Variants in FGF14 observed in about 807,000 individuals in gnomAD.
The protein encoded by FGF14 is fibroblast growth factor 14.
FGF14 carries 5 observed loss-of-function variants against 25.5 expected under a neutral mutation model. That is an observed-to-expected ratio of 0.20 (90% confidence interval 0.10 to 0.41). The LOEUF is 0.41. Ranked by LOEUF, FGF14 falls within the 10% of genes least tolerant of loss-of-function variation. The probability of loss-of-function intolerance (pLI) is 1.00; values close to 1 mark genes in which losing one functional copy is unlikely to be tolerated. For missense variants in FGF14, 222 were observed against 320.1 expected (o/e 0.69, Z 2.34); for synonymous variants, 138 against 118.3 (o/e 1.17, Z -1.08).
At chr13:101,742,435 A>G (rs887227163) in intron 3 of FGF14, among the ~76,000 whole-genome samples, 12 of 152,234 alleles carry the variant, frequency 7.9e-5, no homozygotes, top group Non-Finnish European at 1.3e-4. Flanking sequence ...AGCATAGTGC[A>G]GACATTAAGA....
At chr13:101,940,145 T>A (rs766731741) in intron 1 of FGF14, among the ~76,000 whole-genome samples, 1 of 152,236 alleles carries the variant, frequency 6.6e-6, no homozygotes, top group Admixed American at 6.5e-5. Context: ...AAATCCCTAG[T>A]TGTATCCATG....
intron 1 of FGF14, among the ~76,000 whole-genome samples, chr13:102,121,701 C>T (rs1268629083): frequency 1.3e-5 from 2 of 152,102 alleles, no homozygotes; most frequent in Non-Finnish European, 2.9e-5. Flanking sequence ...CAAATGCTTC[C>T]GTAAGACTTG....
At chr13:101,752,985 T>A (rs927128849) in intron 3 of FGF14, among the ~76,000 whole-genome samples, 1 of 152,136 alleles carries the variant, frequency 6.6e-6, no homozygotes, top group African/African-American at 2.4e-5. Flanking sequence ...ATGACAGATA[T>A]AAAAAGTGAA....
At chr13:101,804,549 T>A (rs939163858) in intron 3 of FGF14, among the ~76,000 whole-genome samples, 1 of 152,108 alleles carries the variant, frequency 6.6e-6, no homozygotes, top group African/African-American at 2.4e-5. Context: ...CTTATAAGCA[T>A]CTGCACTTAA....
intron 3 of FGF14, among the ~76,000 whole-genome samples, chr13:101,810,128 T>C (rs1352438356): frequency 6.6e-6 from 1 of 152,156 alleles, no homozygotes; most frequent in African/African-American, 2.4e-5. Flanking sequence ...TATTAGAATT[T>C]CTAGGTCCAA....
chr13:102,098,842 G>T (rs1163930738), intron 1 of FGF14, among the ~76,000 whole-genome samples: 1 of 152,168 alleles, frequency 6.6e-6, no homozygotes, highest in Non-Finnish European at 1.5e-5. Flanking sequence ...TTAACTAGAG[G>T]TAAAGTCTTT....
chr13:101,965,330 C>T (rs942703867), intron 1 of FGF14, among the ~76,000 whole-genome samples: 3 of 151,966 alleles, frequency 2.0e-5, no homozygotes. Context: ...AGGTGGTAAG[C>T]TGCACAAAGA....
chr13:102,389,690 GA>G (rs2058386757), intron 1 of FGF14, among the ~76,000 whole-genome samples: 1 of 152,158 alleles, frequency 6.6e-6, no homozygotes, highest in African/African-American at 2.4e-5. Flanking sequence ...CCCCTTAAAA[GA>G]TTGGGAATTT....
At chr13:102,041,583 T>TA (rs11430268) in intron 1 of FGF14, among the ~76,000 whole-genome samples, 49,807 of 141,830 alleles carry the variant, frequency 0.35, 8,896 homozygotes, top group East Asian at 0.72. Flanking sequence ...TGTTTCCATG[T>TA]AAAAAAAAAA....
intron 1 of FGF14, among the ~76,000 whole-genome samples, chr13:102,181,188 A>T (rs1316395717): frequency 6.6e-6 from 1 of 152,162 alleles, no homozygotes; most frequent in Admixed American, 6.6e-5. Flanking sequence ...TTTTTAAAAA[A>T]GTTTAAAAGA....
intron 1 of FGF14, among the ~76,000 whole-genome samples, chr13:102,396,094 A>G (rs946846172): frequency 6.6e-6 from 1 of 152,198 alleles, no homozygotes; most frequent in African/African-American, 2.4e-5. Context: ...CCCGGGTTCA[A>G]CACATAACTA....
intron 3 of FGF14, among the ~76,000 whole-genome samples, chr13:101,807,274 A>T (rs988392482): frequency 3.9e-5 from 6 of 152,120 alleles, no homozygotes; most frequent in Non-Finnish European, 8.8e-5. Context: ...GAGTTGCATC[A>T]GTACTTTAAC....
intron 3 of FGF14, among the ~76,000 whole-genome samples, chr13:101,782,579 CT>C (rs2039569972): frequency 6.6e-6 from 1 of 152,166 alleles, no homozygotes; most frequent in Non-Finnish European, 1.5e-5. Context: ...CGTTCTTCCC[CT>C]CTGTGTGTCC....
intron 1 of FGF14, among the ~76,000 whole-genome samples, chr13:102,259,565 A>G (rs1470527317): frequency 1.3e-5 from 2 of 151,880 alleles, no homozygotes; most frequent in Non-Finnish European, 2.9e-5. Context: ...ATCATAGTAA[A>G]TTTGCTTATC....
rs2035058657 is a variant in FGF14 at position 101,722,462 on chromosome 13, T to C, written c.*369A>G. 4 of 334,630 alleles carry C rather than the reference T, an allele frequency of 1.2e-5. No individual in the cohort carries two copies. Among genetic ancestry groups the C allele is most frequent in the Non-Finnish European group, 1.7e-5 (3 of 172,230 alleles). The allele number at this position is 334,630 out of a possible 1,614,324, so 20.7% of individuals were successfully genotyped here. ...TGCTACAAAATTGAACTTAAACACA[T>C]AGATTTCGCTGAAACAGGACTCAAA... On this transcript the variant is annotated 3_prime_UTR_variant, in exon 5 of 5. Coordinates refer to ENST00000376143, the MANE Select transcript of FGF14 (RefSeq NM_004115.4).
At chr13:102,284,133 C>T (rs1168222913) in intron 1 of FGF14, among the ~76,000 whole-genome samples, 1 of 152,182 alleles carries the variant, frequency 6.6e-6, no homozygotes, top group Non-Finnish European at 1.5e-5. Flanking sequence ...TTTTCCCCCG[C>T]AAGAGAGAGC....
chr13:101,885,369 G>C (rs1168974416), intron 1 of FGF14, among the ~76,000 whole-genome samples: 2 of 152,138 alleles, frequency 1.3e-5, no homozygotes, highest in Non-Finnish European at 2.9e-5. Flanking sequence ...GGGAGGAAGA[G>C]AAAGAGGCGA....
chr13:102,390,841 G>A (rs751143460), intron 1 of FGF14, among the ~76,000 whole-genome samples: 1 of 152,070 alleles, frequency 6.6e-6, no homozygotes, highest in Non-Finnish European at 1.5e-5. Context: ...ATATACATTC[G>A]TTAACGGGAA....
chr13:102,192,106 T>C (rs534797200), intron 1 of FGF14, among the ~76,000 whole-genome samples: 1 of 152,350 alleles, frequency 6.6e-6, no homozygotes, highest in South Asian at 2.1e-4. Context: ...AGAGGCCATA[T>C]GGCCTATTGA....
Sources: allele counts gnomAD v4.1 joint callset (sites outside exome capture counted in the v4.1 genomes callset), GRCh38; gene constraint gnomAD v4.1.1; transcripts MANE v1.5; gene names NCBI Gene and HGNC (gene_info 2026-07-23, HGNC 2026-07-21).